SUPT20H: variants seen among roughly 807,000 people sequenced by gnomAD.
SUPT20H encodes the protein SPT20 homolog, SAGA complex component.
SUPT20H carries 82 observed loss-of-function variants against 122.8 expected under a neutral mutation model. The observed-to-expected ratio is 0.67, with a 90% CI of 0.56 to 0.80. The LOEUF (loss-of-function observed/expected upper bound fraction) is 0.80, where lower values mean the gene tolerates loss of function less well. Among genes scored for constraint, SUPT20H ranks in the 30% least tolerant of loss-of-function variants. SUPT20H has a pLI of 0.00. For synonymous variants in SUPT20H, 291 were observed against 313.0 expected (o/e 0.93, Z 0.74); for missense variants, 831 against 921.6 (o/e 0.90, Z 1.27).
chr13:37,040,246 C>A (rs1050280025), intron 9 of SUPT20H, 159 bp downstream of exon 9: 1 of 641,658 alleles, frequency 1.6e-6, no homozygotes, highest in South Asian at 2.6e-5. Flanking sequence ...TATAAAGAGA[C>A]CCTTAACTTC....
chr13:37,047,993 T>A, intron 3 of SUPT20H, 57 bp from the exon 4 acceptor site: 2 of 1,346,866 alleles, frequency 1.5e-6, no homozygotes, highest in Non-Finnish European at 1.0e-6. Flanking sequence ...TATGAACAAC[T>A]GTATTGAGTA....
In SUPT20H at chr13:37,021,425, GTTA is replaced by G; in HGVS notation, c.1816+20_1816+22del. 1 of 1,564,542 alleles carries G rather than the reference GTTA, an allele frequency of 6.4e-7. No individual in the cohort carries two copies. The highest frequency in any genetic ancestry group is 8.7e-7 in the Non-Finnish European group (1 of 1,152,722). On this transcript the variant is annotated intron_variant, in intron 21 of 25. Coordinates refer to ENST00000350612, the MANE Select transcript of SUPT20H (RefSeq NM_001014286.3). ...GCATATACTTTAATTTTTTTTAGAG[GTTA>G]TTATTTCCAACATTCTGACCTGCTT...
chr13:37,049,577 T>G (rs370965511), intron 2 of SUPT20H, among the ~76,000 whole-genome samples: 7 of 152,000 alleles, frequency 4.6e-5, no homozygotes, highest in African/African-American at 1.7e-4. Flanking sequence ...CTATCTCTAC[T>G]AAAAATACAA....
Position 37,022,529 on chromosome 13 carries a change from T to C in SUPT20H, c.1592-449A>G. 2.4e-6 allele frequency: 3 copies of C among 1,228,552 alleles called. No individual in the cohort carries two copies. Among genetic ancestry groups the C allele is most frequent in the Non-Finnish European group, 3.0e-6 (3 of 985,866 alleles). The allele number at this position is 1,228,552 out of a possible 1,614,324, so 76.1% of individuals were successfully genotyped here. A position where few individuals can be genotyped will look rare whatever the true frequency, so the allele number is the denominator to read the frequency against. On this transcript the variant is annotated intron_variant, in intron 19 of 25. Transcript: ENST00000350612. The surrounding 1 kb of genome is among the most constrained non-coding windows in gnomAD (Gnocchi z 4.5). ...TGCAGTATATCACCTAAAAATCCCA[T>C]TAAAGATGCTATTGCAGTAACAGTA...
At chr13:37,054,095 A>C (rs9547721) in intron 1 of SUPT20H, among the ~76,000 whole-genome samples, 1 of 152,004 alleles carries the variant, frequency 6.6e-6, no homozygotes, top group Non-Finnish European at 1.5e-5. Context: ...GAATAGACCA[A>C]TAACAGGCTG....
intron 5 of SUPT20H, chr13:37,046,929 A>G (rs1373384027): frequency 6.6e-6 from 1 of 152,132 alleles, no homozygotes; most frequent in African/African-American, 2.4e-5. Context: ...AACTGTATTC[A>G]TTTTTAAAGA....
intron 23 of SUPT20H, among the ~76,000 whole-genome samples, chr13:37,016,424 T>A (rs1051012898): frequency 1.1e-5 from 1 of 87,028 alleles, no homozygotes; most frequent in Non-Finnish European, 2.5e-5. Flanking sequence ...CGCGAGACTC[T>A]GTCTCAAAAA....
intron 21 of SUPT20H, among the ~76,000 whole-genome samples, chr13:37,020,332 C>T (rs1389804500): frequency 1.3e-5 from 2 of 151,978 alleles, no homozygotes; most frequent in Non-Finnish European, 2.9e-5. Flanking sequence ...AATGGCTTAA[C>T]CCCCTTTTAA....
intron 21 of SUPT20H, 97 bp from the exon 22 acceptor site, chr13:37,019,494 A>G: frequency 1.3e-6 from 1 of 763,868 alleles, no homozygotes; most frequent in Non-Finnish European, 2.0e-6. Flanking sequence ...AATTTTATGT[A>G]TTCTCTGCAT....
At chr13:37,042,117 G>A (rs910785907) in intron 7 of SUPT20H, among the ~76,000 whole-genome samples, 1 of 152,190 alleles carries the variant, frequency 6.6e-6, no homozygotes, top group Non-Finnish European at 1.5e-5. Flanking sequence ...AAACAGGAAA[G>A]CAAAGGTTTT....
Position 37,009,819 on chromosome 13 carries a change from G to A in SUPT20H, c.2203-10C>T. 1.2e-6 allele frequency: 2 copies of A among 1,601,958 alleles called. No homozygotes were observed. The highest frequency in any genetic ancestry group is 1.7e-6 in the Non-Finnish European group (2 of 1,176,534). On this transcript the variant is annotated splice_polypyrimidine_tract_variant and intron_variant, in intron 25 of 25. Coordinates refer to ENST00000350612, the MANE Select transcript of SUPT20H (RefSeq NM_001014286.3). ...GCAAGAATCGCAACTGCTGCAAAAG[G>A]GAGGGAAAAAAATCGAGTTATGTTA... is the stretch of plus-strand genomic sequence containing the variant.
At chr13:37,017,389 A>T in intron 22 of SUPT20H, 25 bp from the exon 23 acceptor site, 1 of 1,586,840 alleles carries the variant, frequency 6.3e-7, no homozygotes, top group Non-Finnish European at 8.6e-7. Context: ...AACAAAAATT[A>T]ACCAATTTCA....
chr13:37,025,569 T>G, intron 16 of SUPT20H, 132 bp from the exon 17 acceptor site: 1 of 612,078 alleles, frequency 1.6e-6, no homozygotes, highest in Non-Finnish European at 2.8e-6. Flanking sequence ...TATTAAAAAT[T>G]AGGCAATTTA....
intron 21 of SUPT20H, 132 bp downstream of exon 21, chr13:37,021,316 G>A: frequency 2.0e-6 from 2 of 978,744 alleles, no homozygotes; most frequent in Non-Finnish European, 2.7e-6. Context: ...GGCTTTTTAA[G>A]TGAAATATAT....
At chr13:37,051,363 C>A in intron 2 of SUPT20H, 125 bp downstream of exon 2, 1 of 916,698 alleles carries the variant, frequency 1.1e-6, no homozygotes, top group Non-Finnish European at 1.6e-6. Context: ...TAAGTAATTT[C>A]CCAGTTGGGA....
chr13:37,035,006 C>G (rs959003836), intron 9 of SUPT20H, among the ~76,000 whole-genome samples: 6 of 152,184 alleles, frequency 3.9e-5, no homozygotes, highest in African/African-American at 1.4e-4. Context: ...AAAAAAGATT[C>G]TTTCAAAAAT....
chr13:37,056,071 T>A (rs1185433113), intron 1 of SUPT20H, among the ~76,000 whole-genome samples: 2 of 152,128 alleles, frequency 1.3e-5, no homozygotes, highest in Non-Finnish European at 2.9e-5. Context: ...TGAGATACCA[T>A]CTCACACCAG....
At chr13:37,056,035 C>CA (rs1229532268) in intron 1 of SUPT20H, among the ~76,000 whole-genome samples, 25 of 152,290 alleles carry the variant, frequency 1.6e-4, no homozygotes, top group African/African-American at 4.6e-4. Context: ...CACTGGCCAT[C>CA]AGAGAAATGC....
At chr13:37,040,532 C>G in intron 8 of SUPT20H, 44 bp downstream of exon 8, 3 of 1,594,870 alleles carry the variant, frequency 1.9e-6, no homozygotes, top group Non-Finnish European at 2.6e-6. Context: ...AATAAAACTC[C>G]CAACTAAAAT....
Sources: gnomAD v4.1 joint callset for allele counts (sites outside exome capture counted in the v4.1 genomes callset) on GRCh38, gnomAD v4.1.1 for gene constraint, Gnocchi (gnomAD v3.1) non-coding constraint, MANE v1.5 for transcripts, NCBI Gene and HGNC (gene_info 2026-07-23, HGNC 2026-07-21) for gene names.